Variants in CYP2A6 observed in about 807,000 individuals in gnomAD.
CYP2A6 encodes the protein cytochrome P450 2A6.
A neutral mutation model predicts 42.3 loss-of-function variants in CYP2A6; 27 were observed. That is an observed-to-expected ratio of 0.64 (90% CI 0.47 to 0.88). CYP2A6 has a LOEUF of 0.88. Ranked by LOEUF, CYP2A6 falls within the 40% of genes least tolerant of loss-of-function variation. The pLI is 0.00. For synonymous variants in CYP2A6, 238 were observed against 246.3 expected, an observed-to-expected ratio of 0.97 and a Z score of 0.31; for missense variants, 628 against 646.0, an observed-to-expected ratio of 0.97 and a Z score of 0.30.
In CYP2A6 at chr19:40,848,220, T is replaced by C. The variant is rs1967133787; in HGVS notation, c.653A>G (p.Gln218Arg). The C allele has an allele frequency of 1.2e-6, 2 of 1,611,664 alleles. No individual in the cohort carries two copies. The highest frequency in any genetic ancestry group is 8.5e-7 in the Non-Finnish European group (1 of 1,179,822). Residue 218 changes from glutamine (Q) to arginine (R), a missense_variant and splice_region_variant, in exon 4 of 9, where the codon CAG (glutamine) becomes CGG (arginine). Around this residue, in one of 2 missense-constraint regions of CYP2A6, gnomAD observed 606 missense variants for 568.1 expected, o/e 1.07. Transcript: ENST00000301141. Reference protein sequence around the residue: ...IFQFTSTSTGQLYEMFSSVMK... With the variant: ...IFQFTSTSTGRLYEMFSSVMK... ...ACGGGCCGGGCTGCAGCCAGTTACC[T>C]GCCCCGTGGAGGTTGACGTGAACTG...
rs28399441 is a variant in CYP2A6, at chr19:40,848,648, C to G, written c.459G>C (p.Ala153=). The G allele has an allele frequency of 6.2e-7, 1 of 1,611,542 alleles. No homozygotes were observed. The highest frequency in any genetic ancestry group is 8.5e-7 in the Non-Finnish European group (1 of 1,179,872). The change falls in exon 3 of 9, where the codon GCG becomes GCC. Residue 153 remains alanine (A), a synonymous_variant. Coordinates refer to ENST00000301141, the MANE Select transcript of CYP2A6 (RefSeq NM_000762.6). ...CCCGGAGGGCGTCGATGAGGAAGCC[C>G]GCCTCCTCCTGGATGCGCTCCTCGA... ...RGIEERIQEE[A]GFLIDALRGT...
chr19:40,846,891 A>G lies in CYP2A6; in HGVS notation c.815T>C (p.Leu272Pro). 1 of 1,612,048 alleles carries G rather than the reference A, an allele frequency of 6.2e-7. No individual in the cohort carries two copies. Among genetic ancestry groups the G allele is most frequent in the Non-Finnish European group, 8.5e-7 (1 of 1,179,926 alleles). Residue 272 changes from leucine (L) to proline (P), a missense_variant, in exon 5 of 9, where the codon CTC becomes CCC. Physicochemically the swap from Leu to Pro is moderately conservative, Grantham distance 98 (BLOSUM62 -3). This residue lies in a region of CYP2A6 where 606 missense variants were observed against 568.1 expected (regional missense o/e 1.07). Coordinates refer to ENST00000301141, the MANE Select transcript of CYP2A6 (RefSeq NM_000762.6). ...GGGGTGTACCTCCTGCATGCGGATGAGAAAGGAGTCAATGAAGTCCCGTGG... is the reference window on the plus strand; with the variant it reads ...GGGGTGTACCTCCTGCATGCGGATGGGAAAGGAGTCAATGAAGTCCCGTGG... ...NSPRDFIDSF[L>P]IRMQEEEKNP...
intron 7 of CYP2A6, 58 bp from the exon 8 acceptor site, chr19:40,844,830 C>T (rs886834309): frequency 1.9e-6 from 3 of 1,566,702 alleles, no homozygotes; most frequent in African/African-American, 2.7e-5. Flanking sequence ...GGTGAAAGTA[C>T]ACAGGGGCTG....
rs1225814551 is a variant in CYP2A6 at position 40,848,302 on chromosome 19, A to C, written c.571T>G (p.Phe191Val). The C allele has an allele frequency of 6.2e-7, 1 of 1,611,924 alleles. No individual in the cohort carries two copies. Among genetic ancestry groups the C allele is most frequent in the African/African-American group, 1.3e-5 (1 of 74,738 alleles). ...VISSIVFGDR[F>V]DYKDKEFLSL... The stretch of plus-strand genomic sequence containing the variant: ...AGGAACTCTTTGTCCTTATAGTCAA[A>C]GCGGTCCCCAAAGACAATGGAGCTG... Residue 191 changes from phenylalanine to valine, a missense_variant, in exon 4 of 9, where the codon TTT (phenylalanine) becomes GTT (valine). Transcript: ENST00000301141.
intron 8 of CYP2A6, 112 bp from the exon 9 acceptor site, chr19:40,844,089 G>T (rs1416817325): frequency 6.8e-7 from 1 of 1,466,846 alleles, no homozygotes; most frequent in Non-Finnish European, 9.0e-7. Context: ...GAATATTATG[G>T]CCTGAGAGAG....
At chr19:40,850,025 C>A in intron 1 of CYP2A6, 45 bp from the exon 2 acceptor site, 1 of 1,603,986 alleles carries the variant, frequency 6.2e-7, no homozygotes, top group Admixed American at 1.7e-5. Context: ...AGCCTCCACT[C>A]TGAATGGGGC....
intron 8 of CYP2A6, 75 bp downstream of exon 8, chr19:40,844,556 G>A (rs1029021609): frequency 1.8e-5 from 29 of 1,606,942 alleles, no homozygotes; most frequent in African/African-American, 9.4e-5. Flanking sequence ...AGGCTACACC[G>A]CAGAGAGGGG....
intron 8 of CYP2A6, 79 bp downstream of exon 8, chr19:40,844,552 C>T (rs2083445678): frequency 1.9e-6 from 3 of 1,607,180 alleles, no homozygotes; most frequent in Non-Finnish European, 1.7e-6. Context: ...TACCAGGCTA[C>T]ACCGCAGAGA....
rs778163533 is a variant in CYP2A6, at chr19:40,850,202, A to G, written c.180+45T>C. ...CCCTGCCACAAAGCCCCAGCCAACT[A>G]GGCAGCCCCCACCCCGTGCCACCCA... On this transcript the variant is annotated intron_variant, in intron 1 of 8. Coordinates refer to ENST00000301141, the MANE Select transcript of CYP2A6 (RefSeq NM_000762.6). The G allele has an allele frequency of 2.1e-5, 34 of 1,586,200 alleles. 1 individual carries two copies. The highest frequency in any genetic ancestry group is 9.4e-5 in the African/African-American group (7 of 74,510).
chr19:40,850,312 G>T lies in CYP2A6; in HGVS notation c.115C>A (p.Pro39Thr). ...AGGTAGTTTCCAATGAAGGGCAATG[G>T]GGTGGGTCCCGGAGGCAGCTTCCCC... ...SKGKLPPGPTPLPFIGNYLQL... is the reference protein window; with the variant it reads ...SKGKLPPGPTTLPFIGNYLQL... The change falls in exon 1 of 9, where the codon CCA becomes ACA. Residue 39 changes from proline to threonine, a missense_variant. Physicochemically the swap from Pro to Thr is conservative, Grantham distance 38. Around this residue, in one of 2 missense-constraint regions of CYP2A6, gnomAD observed 606 missense variants for 568.1 expected, o/e 1.07. Transcript: ENST00000301141. The T allele has an allele frequency of 1.2e-6, 2 of 1,610,118 alleles. No individual in the cohort carries two copies. The highest frequency in any genetic ancestry group is 1.7e-6 in the Non-Finnish European group (2 of 1,178,824).
Position 40,846,342 on chromosome 19 carries a change from G to GT in CYP2A6, c.832-246dup, listed in dbSNP as rs1206000955. Reference sequence around the variant, plus strand: ...CCTTCAATTATCAACTTAGCTGTCAGTTTTTTTTTGTTTTTTTTTTTCTTA... The same window carrying GT: ...CCTTCAATTATCAACTTAGCTGTCAGTTTTTTTTTTGTTTTTTTTTTTCTTA... On this transcript the variant is annotated intron_variant, in intron 5 of 8. Transcript: ENST00000301141. 4.7e-3 allele frequency among the ~76,000 whole-genome samples: 661 copies of GT among 141,448 alleles called. 8 individuals carry two copies. The highest frequency in any genetic ancestry group is 6.0e-3 in the Non-Finnish European group (397 of 66,498). The allele number at this position is 141,448 out of a possible 152,430, so 92.8% of individuals were successfully genotyped here.
intron 4 of CYP2A6, 26 bp downstream of exon 4, chr19:40,848,193 T>G: frequency 6.2e-7 from 1 of 1,609,376 alleles, no homozygotes; most frequent in Non-Finnish European, 8.5e-7. Context: ...GGTAGGGGCG[T>G]CACGGGCCGG....
intron 2 of CYP2A6, among the ~76,000 whole-genome samples, chr19:40,849,000 G>T (rs1478371068): frequency 5.3e-5 from 6 of 113,994 alleles, no homozygotes; most frequent in African/African-American, 7.3e-5. Flanking sequence ...GAGAGAGAGA[G>T]AGAGAGAGAG....
In CYP2A6 at chr19:40,848,972, GAGAGA is replaced by G. The variant is rs1568515993; in HGVS notation, c.344-214_344-210del. Reference sequence around the variant, plus strand: ...AGAGAGAGAGAGAGAGAGAGAGAGAGAGAGAAGAGAGAGAGGAGAGAGAGAGAGAG... The same window carrying G: ...AGAGAGAGAGAGAGAGAGAGAGAGAGAGAGAGAGAGGAGAGAGAGAGAGAG... On this transcript the variant is annotated intron_variant, in intron 2 of 8. Transcript: ENST00000301141. Among the ~76,000 whole-genome samples, 14 of 103,274 alleles carry G rather than the reference GAGAGA, an allele frequency of 1.4e-4. 1 individual carries two copies. Among genetic ancestry groups the G allele is most frequent in the African/African-American group, 3.8e-4 (9 of 23,666 alleles). The allele number at this position is 103,274 out of a possible 152,430, so 67.8% of individuals were successfully genotyped here.
chr19:40,845,251 G>C, intron 7 of CYP2A6, 43 bp downstream of exon 7: 1 of 1,608,294 alleles, frequency 6.2e-7, no homozygotes, highest in Non-Finnish European at 8.5e-7. Flanking sequence ...CACAGAGAGG[G>C]GCTGGAAGTC....
chr19:40,849,058 GA>G (rs1967171928), intron 2 of CYP2A6, among the ~76,000 whole-genome samples: 1 of 135,088 alleles, frequency 7.4e-6, no homozygotes, highest in Non-Finnish European at 1.6e-5. Flanking sequence ...GAGAGAGAGA[GA>G]GAGAGAGAGA....
intron 5 of CYP2A6, among the ~76,000 whole-genome samples, chr19:40,846,630 A>G (rs1289334382): frequency 1.3e-5 from 2 of 151,340 alleles, no homozygotes; most frequent in Non-Finnish European, 2.9e-5. Context: ...TTGGATTTTT[A>G]GTAGAGACGG....
chr19:40,845,091 C>T (rs8192729), intron 7 of CYP2A6: 49,513 of 677,928 alleles, frequency 0.073, 2,502 homozygotes, highest in Non-Finnish European at 0.078. Context: ...GTTTGATTCT[C>T]CTGACACAAA....
At chr19:40,847,582 G>C (rs376662737) in intron 4 of CYP2A6, among the ~76,000 whole-genome samples, 1 of 151,154 alleles carries the variant, frequency 6.6e-6, no homozygotes, top group Non-Finnish European at 1.5e-5. Context: ...TATCCAAGTG[G>C]GATGCACTGG....
Sources: gnomAD v4.1 joint callset for allele counts (sites outside exome capture counted in the v4.1 genomes callset) on GRCh38, gnomAD v4.1.1 for gene constraint, gnomAD v4.1.1 regional missense constraint, MANE v1.5 for transcripts, NCBI Gene and HGNC (gene_info 2026-07-23, HGNC 2026-07-21) for gene names.